RNASEH2B: variants seen among roughly 807,000 people sequenced by gnomAD.
RNASEH2B encodes ribonuclease H2 subunit B.
A neutral mutation model predicts 45.0 loss-of-function variants in RNASEH2B; 36 were observed. That is an observed-to-expected ratio of 0.80 (90% CI 0.61 to 1.06). The LOEUF (loss-of-function observed/expected upper bound fraction) is 1.06, where lower values mean the gene tolerates loss of function less well. RNASEH2B is among the 50% of genes least tolerant of loss of function. The pLI is 0.00. For missense variants in RNASEH2B, 361 were observed against 360.3 expected (o/e 1.00, Z -0.02); for synonymous variants, 119 against 125.7 (o/e 0.95, Z 0.35).
chr13:50,968,875 G>A (rs1377513782), intron 9 of RNASEH2B, among the ~76,000 whole-genome samples: 1 of 152,080 alleles, frequency 6.6e-6, no homozygotes, highest in Admixed American at 6.5e-5. Flanking sequence ...AATGGGGGAC[G>A]GCACCAAATG....
chr13:50,966,385 T>C (rs1451399384), intron 9 of RNASEH2B, among the ~76,000 whole-genome samples: 1 of 152,192 alleles, frequency 6.6e-6, no homozygotes, highest in East Asian at 1.9e-4. Context: ...GCCCTTTGCT[T>C]CTCTTACTTA....
rs1375876777 is a variant in RNASEH2B, at chr13:50,963,234, A to G, written c.742-6698A>G. Among the ~76,000 whole-genome samples the G allele has an allele frequency of 1.2e-4, 18 of 152,132 alleles. 1 individual carries two copies. The East Asian group carries it at 3.3e-3, about 28-fold the overall frequency. ...GGCTGGAGTGCAATGGCACAATCTC[A>G]GCTCGCTGCAACTTCCGCCTCCCGG... On this transcript the variant is annotated intron_variant, in intron 9 of 9. Transcript: ENST00000422660.
chr13:50,915,104 G>T (rs573875283), intron 1 of RNASEH2B, among the ~76,000 whole-genome samples: 1 of 152,166 alleles, frequency 6.6e-6, no homozygotes, highest in Non-Finnish European at 1.5e-5. Context: ...TTACTCATAA[G>T]CTTTCTTACA....
At chr13:50,917,876 C>T (rs907818521) in intron 1 of RNASEH2B, among the ~76,000 whole-genome samples, 1 of 152,154 alleles carries the variant, frequency 6.6e-6, no homozygotes, top group African/African-American at 2.4e-5. Context: ...TGCTCTCAGT[C>T]ACCCCAATCA....
At chr13:50,946,005 G>A (rs1431618597) in intron 7 of RNASEH2B, among the ~76,000 whole-genome samples, 1 of 152,080 alleles carries the variant, frequency 6.6e-6, no homozygotes, top group Non-Finnish European at 1.5e-5. Context: ...TGTTCCTGTG[G>A]CACAGTTGTA....
chr13:50,926,195 A>C (rs1951592875), intron 1 of RNASEH2B, among the ~76,000 whole-genome samples: 1 of 152,152 alleles, frequency 6.6e-6, no homozygotes, highest in Non-Finnish European at 1.5e-5. Flanking sequence ...CTATTAGTTT[A>C]AGAAAAAATG....
intron 9 of RNASEH2B, chr13:50,952,963 C>T (rs1015761520): frequency 6.6e-6 from 1 of 152,138 alleles, no homozygotes; most frequent in African/African-American, 2.4e-5. Flanking sequence ...AGCACCAACT[C>T]TACCCGTTCT....
downstream of RNASEH2B, among the ~76,000 whole-genome samples, chr13:50,961,133 G>C (rs1952107687): frequency 6.6e-6 from 1 of 152,118 alleles, no homozygotes; most frequent in South Asian, 2.1e-4. Context: ...TGTTGACTTT[G>C]ATCACTTGAT....
rs1189699242 is a variant in RNASEH2B at position 50,934,885 on chromosome 13, G to T, written c.322G>T (p.Gly108Trp). 6.2e-7 allele frequency: 1 copy of T among 1,602,888 alleles called. No homozygotes were observed. Among genetic ancestry groups the T allele is most frequent in the South Asian group, 1.1e-5 (1 of 90,480 alleles). Residue 108 changes from glycine to tryptophan, a missense_variant and splice_region_variant, in exon 5 of 11, where the codon GGG becomes TGG. Gly to Trp is a radical substitution (Grantham distance 184). Transcript: ENST00000336617. ...GCTTTCCAACTAACTGTTTTTTCAG[G>T]GGAAGTTTCAGCCCCTTGATCAAGT... Reference protein sequence around the residue: ...LHYLIKADKEGKFQPLDQVVV... With the variant: ...LHYLIKADKEWKFQPLDQVVV...
At chr13:50,915,324 A>T (rs1029622184) in intron 1 of RNASEH2B, 1 of 397,986 alleles carries the variant, frequency 2.5e-6, no homozygotes, top group African/African-American at 2.1e-5. Context: ...GCTCCAGCTC[A>T]GCTTCTCCGT....
intron 9 of RNASEH2B, chr13:50,953,010 G>A (rs985778331): frequency 7.2e-5 from 11 of 152,188 alleles, no homozygotes; most frequent in African/African-American, 2.7e-4. Flanking sequence ...AATGAAGCTG[G>A]GAAGAAGTCT....
At chr13:50,968,545 G>A (rs984167375) in intron 9 of RNASEH2B, among the ~76,000 whole-genome samples, 12 of 152,230 alleles carry the variant, frequency 7.9e-5, no homozygotes, top group Middle Eastern at 3.4e-3. Flanking sequence ...CCTAAGCCTC[G>A]TTCCTTTTGT....
At chr13:50,934,847 GA>G in intron 4 of RNASEH2B, 37 bp from the exon 5 acceptor site, 1 of 1,365,956 alleles carries the variant, frequency 7.3e-7, no homozygotes. Context: ...TGTCTTTGTT[GA>G]ATGAAATGCT....
intron 6 of RNASEH2B, among the ~76,000 whole-genome samples, chr13:50,944,458 T>C (rs1224168986): frequency 6.6e-6 from 1 of 151,584 alleles, no homozygotes; most frequent in Admixed American, 6.6e-5. Flanking sequence ...TTTCGGGGGT[T>C]AGGGGCAAGA....
In RNASEH2B at chr13:50,929,471, A is replaced by C. The variant is rs1300419181; in HGVS notation, c.137-4A>C. ...ACAAATAAAAGACAGATTTGTCTTAACAGGAGAAGGAGCCATTTACTTGTT... is the reference window on the plus strand; with the variant it reads ...ACAAATAAAAGACAGATTTGTCTTACCAGGAGAAGGAGCCATTTACTTGTT... On this transcript the variant is annotated splice_region_variant and splice_polypyrimidine_tract_variant and intron_variant, in intron 2 of 10. Transcript: ENST00000336617. 2 of 1,600,956 alleles carry C rather than the reference A, an allele frequency of 1.2e-6. No homozygotes were observed. The highest frequency in any genetic ancestry group is 2.2e-5 in the South Asian group (2 of 90,810).
rs34501133 is a variant in RNASEH2B at position 50,947,386 on chromosome 13, A to AGTGTGTGTGT, written c.617-572_617-563dup. On this transcript the variant is annotated intron_variant, in intron 7 of 10. Transcript: ENST00000336617. ...AGTTTAAGTATTTTATTAGTTTGGGAGTGTGTGTGTGTGTGTGTGTGTGTG... is the reference window on the plus strand; with the variant it reads ...AGTTTAAGTATTTTATTAGTTTGGGAGTGTGTGTGTGTGTGTGTGTGTGTGTGTGTGTGTG... Among the ~76,000 whole-genome samples, 345 of 145,990 alleles carry AGTGTGTGTGT rather than the reference A, an allele frequency of 2.4e-3. 1 individual carries two copies. The highest frequency in any genetic ancestry group is 7.6e-3 in the Admixed American group (111 of 14,516).
chr13:50,950,805 C>T (rs1234077104), intron 9 of RNASEH2B: 1 of 152,156 alleles, frequency 6.6e-6, no homozygotes, highest in Non-Finnish European at 1.5e-5. Flanking sequence ...TAACTTTATT[C>T]TTCTCTGCTC....
At chr13:50,952,901 G>A (rs1329772824) in intron 9 of RNASEH2B, 3 of 152,052 alleles carry the variant, frequency 2.0e-5, no homozygotes, top group Non-Finnish European at 2.9e-5. Context: ...AAGACATGGT[G>A]TTTTATCCTC....
At chr13:50,921,949 G>A (rs1417872397) in intron 1 of RNASEH2B, among the ~76,000 whole-genome samples, 2 of 152,198 alleles carry the variant, frequency 1.3e-5, no homozygotes, top group Admixed American at 1.3e-4. Flanking sequence ...AACGGTACTT[G>A]TAAAAACCAA....
Sources: allele counts gnomAD v4.1 joint callset (sites outside exome capture counted in the v4.1 genomes callset), GRCh38; gene constraint gnomAD v4.1.1; transcripts MANE v1.5; gene names NCBI Gene and HGNC (gene_info 2026-07-23, HGNC 2026-07-21).